Variants in SNRPD1 observed in about 807,000 individuals in gnomAD.
SNRPD1 encodes small nuclear ribonucleoprotein Sm D1.
In SNRPD1, 1 loss-of-function variant was observed where a neutral mutation model predicts 14.4. The observed-to-expected ratio is 0.07, with a 90% CI of 0.02 to 0.33. The LOEUF (loss-of-function observed/expected upper bound fraction) is 0.33. Ranked by LOEUF, SNRPD1 falls within the 10% of genes least tolerant of loss-of-function variation. The probability of loss-of-function intolerance (pLI) is 1.00; values close to 1 mark genes in which losing one functional copy is unlikely to be tolerated. For synonymous variants in SNRPD1, 42 were observed against 50.3 expected, an observed-to-expected ratio of 0.83 and a Z score of 0.70; for missense variants, 52 against 146.4, an observed-to-expected ratio of 0.36 and a Z score of 3.33.
chr18:21,617,081 G>C (rs1274859660), intron 1 of SNRPD1, among the ~76,000 whole-genome samples: 4 of 151,694 alleles, frequency 2.6e-5, no homozygotes, highest in African/African-American at 9.7e-5. Flanking sequence ...TTTTCTGTAT[G>C]GATTTCCAGT....
chr18:21,615,120 C>T (rs2038947584), intron 1 of SNRPD1, among the ~76,000 whole-genome samples: 2 of 152,212 alleles, frequency 1.3e-5, no homozygotes, highest in Non-Finnish European at 2.9e-5. Flanking sequence ...CAACCTCTGG[C>T]TCCATACCCC....
At chr18:21,625,184 A>T (rs1446902266) in intron 3 of SNRPD1, among the ~76,000 whole-genome samples, 1 of 151,520 alleles carries the variant, frequency 6.6e-6, no homozygotes, top group East Asian at 1.9e-4. Context: ...CGGGGAATTG[A>T]TGATTGAAAG....
At chr18:21,621,041 G>T (rs770458488) in intron 1 of SNRPD1, among the ~76,000 whole-genome samples, 1 of 151,852 alleles carries the variant, frequency 6.6e-6, no homozygotes, top group African/African-American at 2.4e-5. Flanking sequence ...GGTGGCGAGC[G>T]CCTGTAATCC....
In SNRPD1 at chr18:21,632,594, TTTC is replaced by T. The variant is rs1418838172; in HGVS notation, c.*3457_*3459del. The T allele has an allele frequency of 2.0e-5, 3 of 152,178 alleles. No individual in the cohort carries two copies. The highest frequency in any genetic ancestry group is 4.4e-5 in the Non-Finnish European group (3 of 68,038). The allele number at this position is 152,178 out of a possible 1,614,324, so 9.4% of individuals were successfully genotyped here. ...GAGTTTATTCCACTAGAGGTCATTA[TTTC>T]ATTTCCATGTGAAAGGGCTAAAATT... On this transcript the variant is annotated 3_prime_UTR_variant, in exon 4 of 4. Transcript: ENST00000300413.
intron 1 of SNRPD1, among the ~76,000 whole-genome samples, chr18:21,613,335 A>G (rs2038933639): frequency 6.6e-6 from 1 of 152,212 alleles, no homozygotes; most frequent in Non-Finnish European, 1.5e-5. Flanking sequence ...TAAGCCAGCA[A>G]TTATAAATAT....
At chr18:21,615,459 T>C (rs1298082298) in intron 1 of SNRPD1, among the ~76,000 whole-genome samples, 1 of 151,868 alleles carries the variant, frequency 6.6e-6, no homozygotes, top group Non-Finnish European at 1.5e-5. Flanking sequence ...CTACTAAAAA[T>C]ACCAAAAAAG....
chr18:21,614,024 A>G (rs1384790502), intron 1 of SNRPD1, among the ~76,000 whole-genome samples: 1 of 151,668 alleles, frequency 6.6e-6, no homozygotes, highest in African/African-American at 2.4e-5. Context: ...TGTAATCCCA[A>G]CACTTTGGGA....
intron 3 of SNRPD1, 138 bp downstream of exon 3, chr18:21,624,077 G>A: frequency 1.6e-6 from 1 of 630,894 alleles, no homozygotes; most frequent in Non-Finnish European, 2.7e-6. Flanking sequence ...AATTCTTGGT[G>A]TTGCTATTAA....
chr18:21,620,610 A>G (rs561205082), intron 1 of SNRPD1, among the ~76,000 whole-genome samples: 1 of 152,338 alleles, frequency 6.6e-6, no homozygotes, highest in East Asian at 1.9e-4. Flanking sequence ...TAGAACTCTA[A>G]AAGTAGAAGA....
At chr18:21,624,705 T>A (rs7226976) in intron 3 of SNRPD1, among the ~76,000 whole-genome samples, 3,552 of 140,408 alleles carry the variant, frequency 0.025, 73 homozygotes, top group Middle Eastern at 0.072. Flanking sequence ...AAAAAAAATA[T>A]ATATATATAT....
intron 2 of SNRPD1, among the ~76,000 whole-genome samples, 196 bp downstream of exon 2, chr18:21,622,997 G>C (rs537650602): frequency 4.0e-5 from 6 of 150,638 alleles, no homozygotes; most frequent in Non-Finnish European, 8.8e-5. Flanking sequence ...CACGATCTCA[G>C]CTCACTGCAA....
intron 3 of SNRPD1, among the ~76,000 whole-genome samples, chr18:21,625,895 C>T (rs1459481453): frequency 6.6e-6 from 1 of 152,166 alleles, no homozygotes; most frequent in Non-Finnish European, 1.5e-5. Flanking sequence ...AGGCGTGAGC[C>T]ACGGTGCCTG....
Position 21,629,096 on chromosome 18 carries a change from A to G in SNRPD1, c.318A>G (p.Arg106=), listed in dbSNP as rs1327967820. The G allele has an allele frequency of 1.2e-6, 2 of 1,614,044 alleles. No individual in the cohort carries two copies. Among genetic ancestry groups the G allele is most frequent in the South Asian group, 2.2e-5 (2 of 91,080 alleles). ...AGRGRGRGRG[R]GRGRGRGRGG... is the part of the protein sequence containing the mutation. ...GAGGCAGAGGAAGAGGAAGAGGAAG[A>G]GGACGTGGCCGTGGCAGAGGAAGAG... Residue 106 remains arginine (R), a synonymous_variant, in exon 4 of 4, where the codon AGA becomes AGG. Coordinates refer to ENST00000300413, the MANE Select transcript of SNRPD1 (RefSeq NM_006938.4).
rs1391153034 is a variant in SNRPD1 at position 21,633,275 on chromosome 18, AAT to A, written c.*4139_*4140del. 2.6e-5 allele frequency: 4 copies of A among 152,244 alleles called. No individual in the cohort carries two copies. Among genetic ancestry groups the A allele is most frequent in the African/African-American group, 9.6e-5 (4 of 41,464 alleles). The allele number at this position is 152,244 out of a possible 1,614,324, so 9.4% of individuals were successfully genotyped here. A position where few individuals can be genotyped will look rare whatever the true frequency, so the allele number is the denominator to read the frequency against. ...ATGTGAGCATAACTTAGTATTTTGA[AAT>A]AGATTAATGTAGTCAGCAAACAATT... On this transcript the variant is annotated 3_prime_UTR_variant, in exon 4 of 4. Coordinates refer to ENST00000300413, the MANE Select transcript of SNRPD1 (RefSeq NM_006938.4).
rs1465489213 is a variant in SNRPD1 at position 21,623,734 on chromosome 18, A to G, written c.92-14A>G. The G allele has an allele frequency of 3.1e-6, 5 of 1,590,052 alleles. No individual in the cohort carries two copies. The highest frequency in any genetic ancestry group is 1.8e-5 in the Admixed American group (1 of 55,094). ...GTATCATACTAATAACTGCACAATT[A>G]TTTTCCTCTTTAGGTGTGGATGTCA... is the stretch of plus-strand genomic sequence containing the variant. On this transcript the variant is annotated splice_polypyrimidine_tract_variant and intron_variant, in intron 2 of 3. Coordinates refer to ENST00000300413, the MANE Select transcript of SNRPD1 (RefSeq NM_006938.4).
intron 1 of SNRPD1, among the ~76,000 whole-genome samples, chr18:21,620,907 T>A (rs1226308799): frequency 1.3e-5 from 2 of 152,074 alleles, no homozygotes; most frequent in Non-Finnish European, 2.9e-5. Flanking sequence ...CTCATGCCTG[T>A]AATCCCAGCA....
chr18:21,625,570 C>A (rs1204653033), intron 3 of SNRPD1, among the ~76,000 whole-genome samples: 2 of 151,984 alleles, frequency 1.3e-5, no homozygotes, highest in Non-Finnish European at 2.9e-5. Flanking sequence ...CCCGCCTCGG[C>A]CTTCCAAAGT....
intron 1 of SNRPD1, among the ~76,000 whole-genome samples, chr18:21,619,142 G>A (rs1466326353): frequency 2.0e-5 from 3 of 152,110 alleles, no homozygotes; most frequent in East Asian, 1.9e-4. Context: ...CTGAAGTGTC[G>A]TAATGCCTAC....
At chr18:21,621,837 A>ATAT (rs2039000502) in intron 1 of SNRPD1, among the ~76,000 whole-genome samples, 1 of 152,196 alleles carries the variant, frequency 6.6e-6, no homozygotes, top group Non-Finnish European at 1.5e-5. Flanking sequence ...TCGGCCTCCC[A>ATAT]AAGTGCTGGG....
Sources: allele counts gnomAD v4.1 joint callset (sites outside exome capture counted in the v4.1 genomes callset), GRCh38; gene constraint gnomAD v4.1.1; transcripts MANE v1.5; gene names NCBI Gene and HGNC (gene_info 2026-07-23, HGNC 2026-07-21).